PTPRQ: variants seen among roughly 807,000 people sequenced by gnomAD.
PTPRQ encodes protein tyrosine phosphatase receptor type Q.
In PTPRQ, 199 loss-of-function variants were observed where a neutral mutation model predicts 246.0. The observed-to-expected ratio is 0.81, with a 90% CI of 0.72 to 0.91. PTPRQ has a LOEUF of 0.91. PTPRQ is among the 40% of genes least tolerant of loss of function. PTPRQ has a pLI of 0.00. For synonymous variants in PTPRQ, 869 were observed against 853.2 expected (o/e 1.02, Z -0.32); for missense variants, 2,624 against 2,528.4 (o/e 1.04, Z -0.81).
At chr12:80,549,156 C>T (rs1173920385) in intron 24 of PTPRQ, among the ~76,000 whole-genome samples, 1 of 152,108 alleles carries the variant, frequency 6.6e-6, no homozygotes, top group African/African-American at 2.4e-5. Context: ...TTATCAAACA[C>T]TGCCTGGGCC....
chr12:80,461,016 T>A (rs1277806582), intron 6 of PTPRQ, 114 bp downstream of exon 6: 1 of 391,396 alleles, frequency 2.6e-6, no homozygotes, highest in African/African-American at 2.1e-5. Context: ...TTTCCCCTAA[T>A]AATATACCAT....
At chr12:80,480,087 ACC>A (rs1350343905) in intron 8 of PTPRQ, among the ~76,000 whole-genome samples, 1 of 152,122 alleles carries the variant, frequency 6.6e-6, no homozygotes, top group African/African-American at 2.4e-5. Context: ...TCAGCACCAC[ACC>A]ACACCTATTC....
At chr12:80,648,951 C>T (rs1359499223) in intron 36 of PTPRQ, 28 bp downstream of exon 36, 3 of 1,491,996 alleles carry the variant, frequency 2.0e-6, no homozygotes, top group Non-Finnish European at 2.7e-6. Flanking sequence ...TTTCTTTCTT[C>T]TTTTTGAATA....
At chr12:80,582,529 C>A (rs1282022616) in intron 25 of PTPRQ, among the ~76,000 whole-genome samples, 1 of 152,122 alleles carries the variant, frequency 6.6e-6, no homozygotes, top group Non-Finnish European at 1.5e-5. Flanking sequence ...ATGCAGAGAG[C>A]TCTTTTGCCC....
chr12:80,538,701 C>A (rs1896059690), intron 19 of PTPRQ, among the ~76,000 whole-genome samples: 1 of 152,012 alleles, frequency 6.6e-6, no homozygotes, highest in East Asian at 1.9e-4. Flanking sequence ...ATTTCAGAAC[C>A]ATTCTTACTA....
chr12:80,601,935 G>A (rs945928090), intron 26 of PTPRQ, among the ~76,000 whole-genome samples: 2 of 151,766 alleles, frequency 1.3e-5, no homozygotes, highest in African/African-American at 4.8e-5. Context: ...TGCAGGGTAT[G>A]TGTATGATTC....
chr12:80,640,276 G>T (rs1236517040), intron 35 of PTPRQ, among the ~76,000 whole-genome samples: 1 of 152,066 alleles, frequency 6.6e-6, no homozygotes, highest in East Asian at 1.9e-4. Context: ...AAAACTTTTA[G>T]TAGTGTAATT....
Position 80,632,094 on chromosome 12 carries a change from A to T in PTPRQ, c.5687-98A>T, listed in dbSNP as rs553034880. On this transcript the variant is annotated intron_variant, in intron 33 of 44. Coordinates refer to ENST00000644991, the MANE Select transcript of PTPRQ (RefSeq NM_001145026.2). ...ATTTTACTAGTATTCTTCAGCAAAG[A>T]ATATTTTCTTATGCCAAGATAATAT... The T allele has an allele frequency of 2.0e-4, 291 of 1,440,734 alleles. No homozygotes were observed. In the African/African-American group the frequency reaches 3.9e-3, roughly 19 times the overall value. The allele number at this position is 1,440,734 out of a possible 1,614,324, so 89.2% of individuals were successfully genotyped here. A position where few individuals can be genotyped will look rare whatever the true frequency, so the allele number is the denominator to read the frequency against.
At chr12:80,476,661 G>A (rs530594567) in intron 8 of PTPRQ, among the ~76,000 whole-genome samples, 4 of 152,050 alleles carry the variant, frequency 2.6e-5, no homozygotes, top group Non-Finnish European at 4.4e-5. Flanking sequence ...CCTTTCTGTT[G>A]TCTTAAAAAG....
At position 80,496,997 on chromosome 12, in the gene PTPRQ, T is replaced by G. The variant is rs1894648859; in HGVS notation, c.2272+466T>G. 2.0e-5 allele frequency among the ~76,000 whole-genome samples: 3 copies of G among 151,840 alleles called. No homozygotes were observed. The East Asian group carries it at 5.9e-4, about 30-fold the overall frequency. ...TTGGCCTGGATCTTAATGAGGAGGT[T>G]GGAATGGGCAGAAGGATGTTATAGA... On this transcript the variant is annotated intron_variant, in intron 14 of 44. Transcript: ENST00000644991.
chr12:80,588,173 A>G lies in PTPRQ; in HGVS notation c.4330A>G (p.Thr1444Ala). The change falls in exon 26 of 45, where the codon ACT becomes GCT. Residue 1444 changes from threonine (T) to alanine (A), a missense_variant. Transcript: ENST00000644991. ...TATTGCTTTTTCTGATGTTCAGTCA[A>G]CTAGTGCAACATTGACATGGATAAG... The part of the protein sequence containing the change: ...TNIAFSDVQS[T>A]SATLTWIRPD... 1.3e-6 allele frequency: 2 copies of G among 1,546,226 alleles called. No individual in the cohort carries two copies. The highest frequency in any genetic ancestry group is 1.7e-6 in the Non-Finnish European group (2 of 1,144,018).
At chr12:80,598,127 A>G (rs772691462) in intron 26 of PTPRQ, among the ~76,000 whole-genome samples, 1 of 152,140 alleles carries the variant, frequency 6.6e-6, no homozygotes, top group Non-Finnish European at 1.5e-5. Context: ...ATGAACATCC[A>G]TGAATCATTC....
chr12:80,496,523 C>T lies in PTPRQ; in HGVS notation c.2264C>T (p.Ser755Leu), dbSNP rs868778441. ...TCTTCTTTACTCTCTGTAAGGACTT[C>T]GGAGACTGGTGAGCTTTTGTTTTCT... ...QVSSLLSVRT[S>L]ETVPDSAPEN... The change falls in exon 14 of 45, where the codon TCG becomes TTG. Residue 755 changes from serine to leucine, a missense_variant. Coordinates refer to ENST00000644991, the MANE Select transcript of PTPRQ (RefSeq NM_001145026.2). The T allele has an allele frequency of 9.2e-6, 14 of 1,517,372 alleles. No homozygotes were observed. Among genetic ancestry groups the T allele is most frequent in the African/African-American group, 1.5e-5 (1 of 65,422 alleles). 94.0% of individuals were successfully genotyped at this position (1,517,372 alleles called of 1,614,324 possible).
At chr12:80,597,239 C>A (rs1897999724) in intron 26 of PTPRQ, among the ~76,000 whole-genome samples, 1 of 151,944 alleles carries the variant, frequency 6.6e-6, no homozygotes, top group African/African-American at 2.4e-5. Context: ...TGCCTGCATA[C>A]AAATGAACAG....
intron 39 of PTPRQ, among the ~76,000 whole-genome samples, chr12:80,659,823 T>G (rs1291497796): frequency 6.6e-6 from 1 of 152,070 alleles, no homozygotes; most frequent in Admixed American, 6.6e-5. Flanking sequence ...GCATAATCAT[T>G]GCTGAGCTGC....
chr12:80,484,340 T>C, intron 8 of PTPRQ, 93 bp from the exon 9 acceptor site: 1 of 1,389,310 alleles, frequency 7.2e-7, no homozygotes, highest in Non-Finnish European at 9.6e-7. Context: ...TTTATATATC[T>C]TAAATTGTGA....
At chr12:80,656,574 G>A (rs1900444571) in intron 38 of PTPRQ, among the ~76,000 whole-genome samples, 1 of 151,968 alleles carries the variant, frequency 6.6e-6, no homozygotes, top group African/African-American at 2.4e-5. Flanking sequence ...TATCAACTTG[G>A]TAAAATTTCT....
intron 33 of PTPRQ, among the ~76,000 whole-genome samples, chr12:80,625,480 G>A (rs1899165553): frequency 6.6e-6 from 1 of 152,106 alleles, no homozygotes; most frequent in Non-Finnish European, 1.5e-5. Context: ...AAGAGCTTTT[G>A]CACGACTCTG....
At chr12:80,558,224 G>A (rs963736202) in intron 25 of PTPRQ, among the ~76,000 whole-genome samples, 2 of 145,506 alleles carry the variant, frequency 1.4e-5, no homozygotes, top group African/African-American at 5.1e-5. Context: ...CTGGAGTGCA[G>A]TGGTGCGATC....
Sources: allele counts gnomAD v4.1 joint callset (sites outside exome capture counted in the v4.1 genomes callset), GRCh38; gene constraint gnomAD v4.1.1; transcripts MANE v1.5; gene names NCBI Gene and HGNC (gene_info 2026-07-23, HGNC 2026-07-21).